Variants in NOC4L observed in about 807,000 individuals in gnomAD.
NOC4L encodes nucleolar complex protein 4 homolog.
Under a neutral mutation model 62.8 loss-of-function variants are expected in NOC4L, and 40 were observed. That is an observed-to-expected ratio of 0.64 (90% CI 0.49 to 0.83). NOC4L has a LOEUF of 0.83. Among genes scored for constraint, NOC4L ranks in the 40% least tolerant of loss-of-function variants. The pLI, the probability that NOC4L is intolerant of heterozygous loss-of-function variation, is 0.00. For synonymous variants in NOC4L, 433 were observed against 299.8 expected, an observed-to-expected ratio of 1.44 and a Z score of -4.59; for missense variants, 927 against 701.9, an observed-to-expected ratio of 1.32 and a Z score of -3.62.
At chr12:132,146,098 C>G in intron 3 of NOC4L, 1 of 387,588 alleles carries the variant, frequency 2.6e-6, no homozygotes, top group Non-Finnish European at 5.3e-6. Flanking sequence ...TGCCGCTATC[C>G]CAGAACATCT....
chr12:132,148,747 A>G (rs777979635), intron 8 of NOC4L, 37 bp from the exon 9 acceptor site: 1 of 94,710 alleles, frequency 1.1e-5, no homozygotes, highest in Non-Finnish European at 1.5e-5. Flanking sequence ...GCCCCCGCCC[A>G]CCCGCCCCTC....
chr12:132,150,916 T>C lies in NOC4L; in HGVS notation c.902-65T>C. 4 of 1,203,810 alleles carry C rather than the reference T, an allele frequency of 3.3e-6. No individual in the cohort carries two copies. The South Asian group carries it at 5.4e-5, about 16-fold the overall frequency. The allele number at this position is 1,203,810 out of a possible 1,614,324, so 74.6% of individuals were successfully genotyped here. A position where few individuals can be genotyped will look rare whatever the true frequency, so the allele number is the denominator to read the frequency against. ...CCACACTCCACAGACTTACACTCAG[T>C]GTGGGCAGGGGGTAGGGTGGGAGCG... is the stretch of plus-strand genomic sequence containing the variant. On this transcript the variant is annotated intron_variant, in intron 9 of 14. Coordinates refer to ENST00000330579, the MANE Select transcript of NOC4L (RefSeq NM_024078.3).
At position 132,144,474 on chromosome 12, in the gene NOC4L, C is replaced by T; in HGVS notation, c.-15C>T. 2.0e-6 allele frequency: 3 copies of T among 1,509,108 alleles called. No individual in the cohort carries two copies. The highest frequency in any genetic ancestry group is 2.6e-6 in the Non-Finnish European group (3 of 1,142,184). 93.5% of individuals were successfully genotyped at this position (1,509,108 alleles called of 1,614,324 possible). On this transcript the variant is annotated 5_prime_UTR_variant, in exon 1 of 15. Transcript: ENST00000330579. ...CGGCGGCTGAGAATCCGCGTTGTTC[C>T]GTGTTGGGGGCGGCATGGAGCGGGA...
chr12:132,148,955 TCACTCCTACCACACCCCTAATCC>T (rs2136692415), intron 9 of NOC4L, 60 bp downstream of exon 9: 1 of 325,656 alleles, frequency 3.1e-6, no homozygotes, highest in African/African-American at 3.8e-5. Flanking sequence ...TGCCGCCGCC[TCACTCCTACCACACCCCTAATCC>T]CCTCGGTGAG....
intron 3 of NOC4L, chr12:132,146,353 C>T (rs770742546): frequency 2.0e-4 from 91 of 455,626 alleles, no homozygotes; most frequent in Non-Finnish European, 3.4e-4. Context: ...CAGCACGTAT[C>T]GTTCAGCCGC....
At chr12:132,146,084 T>G (rs1049308603) in intron 3 of NOC4L, among the ~76,000 whole-genome samples, 1 of 152,172 alleles carries the variant, frequency 6.6e-6, no homozygotes, top group African/African-American at 2.4e-5. Context: ...TGTTGTGCAG[T>G]GGTTGCCGCT....
chr12:132,149,060 C>G (rs1428191284), intron 9 of NOC4L, among the ~76,000 whole-genome samples, 165 bp downstream of exon 9: 1 of 24,494 alleles, frequency 4.1e-5, no homozygotes. Flanking sequence ...CACCACACCC[C>G]TAATCCCCTC....
rs768357090 is a variant in NOC4L, at chr12:132,148,628, A to G, written c.758A>G (p.Gln253Arg). 31 of 1,502,104 alleles carry G rather than the reference A, an allele frequency of 2.1e-5. No homozygotes were observed. The highest frequency in any genetic ancestry group is 2.5e-5 in the Non-Finnish European group (28 of 1,120,292). The allele number at this position is 1,502,104 out of a possible 1,614,324, so 93.0% of individuals were successfully genotyped here. A position where few individuals can be genotyped will look rare whatever the true frequency, so the allele number is the denominator to read the frequency against. The change falls in exon 8 of 15, where the codon CAG becomes CGG. Residue 253 changes from glutamine (Q) to arginine (R), a missense_variant. Coordinates refer to ENST00000330579, the MANE Select transcript of NOC4L (RefSeq NM_024078.3). The part of the protein sequence containing the change: ...AHLKEHRRVF[Q>R]AMWLSFLKHK... ...TTGCAGGAGCACAGGAGGGTTTTCC[A>G]GGCCATGTGGCTCAGCTTCCTCAAG...
chr12:132,146,658 G>C (rs1432501302), intron 3 of NOC4L, among the ~76,000 whole-genome samples: 1 of 152,162 alleles, frequency 6.6e-6, no homozygotes, highest in Non-Finnish European at 1.5e-5. Flanking sequence ...ACTTTTAAAT[G>C]TTGGGGAGAT....
chr12:132,145,029 G>A (rs1897656730), intron 2 of NOC4L, 55 bp downstream of exon 2: 2 of 1,533,200 alleles, frequency 1.3e-6, no homozygotes, highest in East Asian at 4.8e-5. Flanking sequence ...TCGGAGGGAG[G>A]CTTTGTCACC....
At position 132,144,465 on chromosome 12, in the gene NOC4L, G is replaced by T. The variant is rs761592853; in HGVS notation, c.-24G>T. ...CGGGAGCGCCGGCGGCTGAGAATCC[G>T]CGTTGTTCCGTGTTGGGGGCGGCAT... On this transcript the variant is annotated 5_prime_UTR_variant, in exon 1 of 15. Transcript: ENST00000330579. 3.9e-5 allele frequency: 59 copies of T among 1,501,362 alleles called. No homozygotes were observed. Among genetic ancestry groups the T allele is most frequent in the Non-Finnish European group, 4.9e-5 (56 of 1,138,404 alleles). 93.0% of individuals were successfully genotyped at this position (1,501,362 alleles called of 1,614,324 possible).
intron 3 of NOC4L, among the ~76,000 whole-genome samples, chr12:132,145,880 G>A (rs965229922): frequency 2.6e-5 from 4 of 152,174 alleles, no homozygotes; most frequent in African/African-American, 7.2e-5. Flanking sequence ...CATTTCCAGT[G>A]GCATCCACGG....
In NOC4L at chr12:132,152,328, T is replaced by C; in HGVS notation, c.1478T>C (p.Leu493Pro). ...AAGAAGGGGCCCGAGCCGGTGCCAC[T>C]GGAGTTTATCCCAGCCCAGGGCCTG... ...LKKKGPEPVP[L>P]EFIPAQGLLG... The change falls in exon 15 of 15, where the codon CTG becomes CCG. Residue 493 changes from leucine (L) to proline (P), a missense_variant. Transcript: ENST00000330579. 6.4e-7 allele frequency: 1 copy of C among 1,567,616 alleles called. No individual in the cohort carries two copies. Among genetic ancestry groups the C allele is most frequent in the Non-Finnish European group, 8.7e-7 (1 of 1,155,652 alleles).
In NOC4L at chr12:132,144,836, C is replaced by T. The variant is rs770717133; in HGVS notation, c.118-18C>T. 119 of 1,590,358 alleles carry T rather than the reference C, an allele frequency of 7.5e-5. No individual in the cohort carries two copies. The Admixed American group carries it at 9.6e-4, about 13-fold the overall frequency. On this transcript the variant is annotated intron_variant, in intron 1 of 14. Transcript: ENST00000330579. ...TGACAGTTGGCGGCCGGGCACCCTG[C>T]CGCCGCCTCTCCTGCAGTCTGAGGA...
Position 132,151,060 on chromosome 12 carries a change from G to A in NOC4L, c.962+19G>A, listed in dbSNP as rs776570222. 3 of 1,604,756 alleles carry A rather than the reference G, an allele frequency of 1.9e-6. No homozygotes were observed. The highest frequency in any genetic ancestry group is 2.6e-6 in the Non-Finnish European group (3 of 1,174,652). On this transcript the variant is annotated intron_variant, in intron 10 of 14. Transcript: ENST00000330579. ...ACAACCTGTGAGTGTCACCAGGGGT[G>A]CAGGTCTTCTTCCCAGTCTGCCCAG...
At position 132,147,195 on chromosome 12, in the gene NOC4L, T is replaced by C. The variant is rs1897755378; in HGVS notation, c.346-86T>C. 9.5e-6 allele frequency: 10 copies of C among 1,053,352 alleles called. No homozygotes were observed. In the East Asian group the frequency reaches 2.9e-4, roughly 31 times the overall value. 65.3% of individuals were successfully genotyped at this position (1,053,352 alleles called of 1,614,324 possible). On this transcript the variant is annotated intron_variant, in intron 3 of 14. Coordinates refer to ENST00000330579, the MANE Select transcript of NOC4L (RefSeq NM_024078.3). ...CCCTTTTCTCAGCTCTGGGCCTAGA[T>C]GGGAGGGGCTCCCTGACTGGGCTGA... is the stretch of plus-strand genomic sequence containing the variant.
chr12:132,144,544 A>G lies in NOC4L; in HGVS notation c.56A>G (p.Glu19Gly). Residue 19 changes from glutamate (E) to glycine (G), a missense_variant, in exon 1 of 15, where the codon GAG (glutamate) becomes GGG (glycine). By Grantham distance (98) the Glu-to-Gly change is moderately conservative (BLOSUM62 -2). Transcript: ENST00000330579. The stretch of plus-strand genomic sequence containing the variant: ...CGCCGGGCTCTGGGCCGCCGGCTGG[A>G]GGCGGTGCTGGCGAGCCGCAGTGAG... The part of the protein sequence containing the change: ...GVRRALGRRL[E>G]AVLASRSEAN... The G allele has an allele frequency of 6.6e-7, 1 of 1,517,812 alleles. No individual in the cohort carries two copies. 94.0% of individuals were successfully genotyped at this position (1,517,812 alleles called of 1,614,324 possible).
Position 132,147,329 on chromosome 12 carries a change from C to T in NOC4L, c.394C>T (p.His132Tyr), listed in dbSNP as rs368097576. 6.3e-7 allele frequency: 1 copy of T among 1,593,882 alleles called. No homozygotes were observed. The highest frequency in any genetic ancestry group is 8.5e-7 in the Non-Finnish European group (1 of 1,169,898). ...LLKFVQLEGA[H>Y]PLEKSKWEGN... ...GAAGTTCGTGCAGCTGGAAGGAGCGCACCCCCTGGAGAAGTCCAAGTGGGA... is the reference window on the plus strand; with the variant it reads ...GAAGTTCGTGCAGCTGGAAGGAGCGTACCCCCTGGAGAAGTCCAAGTGGGA... The change falls in exon 4 of 15, where the codon CAC becomes TAC. Residue 132 changes from histidine (H) to tyrosine (Y), a missense_variant. By Grantham distance (83) the His-to-Tyr change is moderately conservative. Transcript: ENST00000330579.
chr12:132,151,901 C>T (rs1461341149), intron 13 of NOC4L, 81 bp downstream of exon 13: 11 of 1,412,004 alleles, frequency 7.8e-6, no homozygotes, highest in African/African-American at 1.4e-5. Context: ...CGTGCCACCT[C>T]CCGCATAGCC....
Sources: allele counts gnomAD v4.1 joint callset (sites outside exome capture counted in the v4.1 genomes callset), GRCh38; gene constraint gnomAD v4.1.1; transcripts MANE v1.5; gene names NCBI Gene and HGNC (gene_info 2026-07-23, HGNC 2026-07-21).